Variants in SMARCAD1 observed in about 807,000 individuals in gnomAD.
SMARCAD1 encodes SNF2 related chromatin remodeling ATPase with DExD box 1, also known as SWI/SNF-related matrix-associated actin-dependent regulator of chromatin subfamily A containing DEAD/H box 1.
A neutral mutation model predicts 127.1 loss-of-function variants in SMARCAD1; 25 were observed. The ratio of observed to expected loss-of-function variants is 0.20; its 90% CI spans 0.14 to 0.27. SMARCAD1 has a LOEUF of 0.27. SMARCAD1 is among the 10% of genes least tolerant of loss of function. The pLI is 1.00. For missense variants in SMARCAD1, 807 were observed against 1,206.0 expected (o/e 0.67, Z 4.90); for synonymous variants, 400 against 396.9 (o/e 1.01, Z -0.09).
chr4:94,228,409 G>A (rs1477567563), intron 3 of SMARCAD1, among the ~76,000 whole-genome samples: 1 of 151,990 alleles, frequency 6.6e-6, no homozygotes, highest in African/African-American at 2.4e-5. Flanking sequence ...TAAAAACAAG[G>A]TCATTCATTC....
chr4:94,228,323 G>A (rs536050345), intron 3 of SMARCAD1, among the ~76,000 whole-genome samples: 3 of 152,102 alleles, frequency 2.0e-5, no homozygotes, highest in Admixed American at 1.3e-4. Context: ...TCCCACAATT[G>A]CATTATCACT....
intron 3 of SMARCAD1, among the ~76,000 whole-genome samples, chr4:94,227,371 GA>G (rs1167992731): frequency 6.6e-6 from 1 of 152,174 alleles, no homozygotes; most frequent in Admixed American, 6.5e-5. Context: ...ATCTGAGTTA[GA>G]TGTTTAAAAG....
At chr4:94,210,875 A>G (rs1035121637) in intron 2 of SMARCAD1, among the ~76,000 whole-genome samples, 3 of 140,458 alleles carry the variant, frequency 2.1e-5, no homozygotes, top group Non-Finnish European at 3.0e-5. Flanking sequence ...CAGAGGTTGC[A>G]GTGAGCCTAG....
chr4:94,273,348 CA>C (rs1473881588), intron 11 of SMARCAD1, among the ~76,000 whole-genome samples: 1 of 152,122 alleles, frequency 6.6e-6, no homozygotes. Flanking sequence ...CCATGCAATG[CA>C]AAAAGTCTTC....
In SMARCAD1 at chr4:94,222,226, T is replaced by TG. The variant is rs554818066; in HGVS notation, c.191-3892dup. On this transcript the variant is annotated intron_variant, in intron 2 of 23. Transcript: ENST00000354268. ...CTCATATCAATGGTTTGGCATATTT[T>TG]GAAATGACATGTTTTTCATTACTTC... Among the ~76,000 whole-genome samples the TG allele has an allele frequency of 5.3e-5, 8 of 152,362 alleles. No homozygotes were observed. In the East Asian group the frequency reaches 1.5e-3, roughly 29 times the overall value.
chr4:94,249,206 T>A (rs990505259), intron 6 of SMARCAD1, among the ~76,000 whole-genome samples: 3 of 152,124 alleles, frequency 2.0e-5, no homozygotes, highest in African/African-American at 7.2e-5. Flanking sequence ...TTTAAGCCAT[T>A]CTGTGAATCA....
At chr4:94,273,297 A>T (rs1277976098) in intron 11 of SMARCAD1, among the ~76,000 whole-genome samples, 4 of 152,218 alleles carry the variant, frequency 2.6e-5, no homozygotes, top group African/African-American at 9.6e-5. Context: ...TGGATATTAA[A>T]CATTCACTGT....
intron 6 of SMARCAD1, among the ~76,000 whole-genome samples, chr4:94,245,750 A>G (rs1748314613): frequency 1.3e-5 from 2 of 152,072 alleles, no homozygotes; most frequent in Admixed American, 6.5e-5. Flanking sequence ...TTTTTATTAG[A>G]TTGCCTTCTC....
chr4:94,208,137 C>T lies in SMARCAD1; in HGVS notation c.-50+67C>T, dbSNP rs967599891. 9 of 610,316 alleles carry T rather than the reference C, an allele frequency of 1.5e-5. No individual in the cohort carries two copies. The African/African-American group carries it at 1.6e-4, about 11-fold the overall frequency. The allele number at this position is 610,316 out of a possible 1,614,324, so 37.8% of individuals were successfully genotyped here. A position where few individuals can be genotyped will look rare whatever the true frequency, so the allele number is the denominator to read the frequency against. The stretch of plus-strand genomic sequence containing the variant: ...AGGAGGGGCGGGCGGGGGAGGCGGA[C>T]GAAGGGGAGTGAAAAGCAATGGAAA... On this transcript the variant is annotated intron_variant, in intron 1 of 23. Coordinates refer to ENST00000354268, the MANE Select transcript of SMARCAD1 (RefSeq NM_020159.5).
chr4:94,253,546 T>C (rs749418898), intron 9 of SMARCAD1: 287 of 1,104,940 alleles, frequency 2.6e-4, no homozygotes, highest in Non-Finnish European at 3.2e-4. Flanking sequence ...TAACATGTTT[T>C]TGTTGGTTAA....
chr4:94,225,801 G>A (rs2664872), intron 2 of SMARCAD1, among the ~76,000 whole-genome samples: 83,481 of 152,038 alleles, frequency 0.55, 23,426 homozygotes, highest in East Asian at 0.72. Context: ...CTTTTGGGCT[G>A]TGGTGTTCAT....
intron 2 of SMARCAD1, among the ~76,000 whole-genome samples, chr4:94,209,085 G>A (rs780097416): frequency 1.3e-5 from 2 of 152,198 alleles, no homozygotes; most frequent in Admixed American, 6.5e-5. Context: ...ATGCAAATGA[G>A]TAATTGGTAT....
chr4:94,280,548 A>G, intron 19 of SMARCAD1, 44 bp from the exon 20 acceptor site: 2 of 1,521,442 alleles, frequency 1.3e-6, no homozygotes, highest in Non-Finnish European at 1.8e-6. Context: ...CATATTATTA[A>G]TTATTTTTAT....
chr4:94,230,636 G>A lies in SMARCAD1; in HGVS notation c.369-3318G>A, dbSNP rs565771616. 2.6e-5 allele frequency among the ~76,000 whole-genome samples: 4 copies of A among 152,212 alleles called. No homozygotes were observed. In the East Asian group the frequency reaches 5.8e-4, roughly 22 times the overall value. ...ATGCCAGTAGCATTTCCCTAGTCAA[G>A]ACAATCAGAAATATCTCCAGACATT... On this transcript the variant is annotated intron_variant, in intron 3 of 23. Transcript: ENST00000354268.
Position 94,280,621 on chromosome 4 carries a change from C to T in SMARCAD1, c.2448C>T (p.Asp816=). ...KEPTHCEANP[D]LIFEDMEVMT... Reference sequence around the variant, plus strand: ...CTACACATTGTGAGGCTAACCCTGACCTGATCTTTGAAGATATGGAAGTTA... The same window carrying T: ...CTACACATTGTGAGGCTAACCCTGATCTGATCTTTGAAGATATGGAAGTTA... Residue 816 remains aspartate, a synonymous_variant, in exon 20 of 24, where the codon GAC becomes GAT. Transcript: ENST00000354268. 1 of 1,613,598 alleles carries T rather than the reference C, an allele frequency of 6.2e-7. No homozygotes were observed. The highest frequency in any genetic ancestry group is 8.5e-7 in the Non-Finnish European group (1 of 1,179,840).
Position 94,252,805 on chromosome 4 carries a change from ATGATTCAGGTTC to A in SMARCAD1, c.1084_1095del (p.Ser362_Asp365del), listed in dbSNP as rs923033080. On this transcript the variant is annotated inframe_deletion, in exon 9 of 24. Transcript: ENST00000354268. ...AAGAGAGTTGTTGAAGACTCTGAAT[ATGATTCAGGTTC>A]TGATGTCGGTAGTTCACTAGATGAG... 6.2e-7 allele frequency: 1 copy of A among 1,613,870 alleles called. No individual in the cohort carries two copies. Among genetic ancestry groups the A allele is most frequent in the African/African-American group, 1.3e-5 (1 of 74,930 alleles).
intron 2 of SMARCAD1, among the ~76,000 whole-genome samples, chr4:94,212,500 T>A (rs1742439611): frequency 6.6e-6 from 1 of 150,780 alleles, no homozygotes; most frequent in Non-Finnish European, 1.5e-5. Flanking sequence ...TATTATTATT[T>A]TTTTGAGATG....
chr4:94,257,448 T>C (rs1455344802), intron 9 of SMARCAD1, among the ~76,000 whole-genome samples: 1 of 152,156 alleles, frequency 6.6e-6, no homozygotes, highest in African/African-American at 2.4e-5. Flanking sequence ...CAGGGTACTT[T>C]GTATTTCTTA....
chr4:94,213,026 G>C, intron 2 of SMARCAD1: 1 of 1,232,292 alleles, frequency 8.1e-7, no homozygotes, highest in Non-Finnish European at 1.1e-6. Context: ...TTGACTTTTG[G>C]GAGTACAGTG....
Sources: allele counts gnomAD v4.1 joint callset (sites outside exome capture counted in the v4.1 genomes callset), GRCh38; gene constraint gnomAD v4.1.1; transcripts MANE v1.5; gene names NCBI Gene and HGNC (gene_info 2026-07-23, HGNC 2026-07-21).